The following DNAH11 variants were observed in gnomAD, a reference collection of about 807,000 sequenced individuals.
DNAH11 encodes the protein axonemal beta dynein heavy chain 11.
Under a neutral mutation model 526.0 loss-of-function variants are expected in DNAH11, and 442 were observed. The observed-to-expected ratio is 0.84, with a 90% CI of 0.78 to 0.91. The LOEUF is 0.91. DNAH11 is among the 40% of genes least tolerant of loss of function. DNAH11 has a pLI of 0.00. For missense variants in DNAH11, 6,989 were observed against 5,448.7 expected, an observed-to-expected ratio of 1.28 and a Z score of -8.90; for synonymous variants, 2,461 against 1,935.9, an observed-to-expected ratio of 1.27 and a Z score of -7.12.
chr7:21,860,487 C>G (rs1481831630), intron 68 of DNAH11, among the ~76,000 whole-genome samples: 2 of 152,110 alleles, frequency 1.3e-5, no homozygotes, highest in Non-Finnish European at 2.9e-5. Flanking sequence ...AGGAGATATC[C>G]AAATACCCAA....
chr7:21,784,654 G>A, intron 58 of DNAH11, 114 bp downstream of exon 58: 3 of 660,810 alleles, frequency 4.5e-6, no homozygotes, highest in South Asian at 3.1e-5. Context: ...TATTTTAAAA[G>A]GAAAGAAGCA....
At chr7:21,900,944 ACT>A in intron 81 of DNAH11, 61 bp from the exon 82 acceptor site, 1 of 868,794 alleles carries the variant, frequency 1.2e-6, no homozygotes, top group Non-Finnish European at 1.6e-6. Context: ...CAAACAACTT[ACT>A]TGATCATTAT....
At chr7:21,590,431 G>A (rs115134658) in intron 12 of DNAH11, among the ~76,000 whole-genome samples, 1 of 152,120 alleles carries the variant, frequency 6.6e-6, no homozygotes, top group African/African-American at 2.4e-5. Flanking sequence ...TGAATTTTTA[G>A]GGGATGAAGA....
chr7:21,857,231 C>G (rs547328742), intron 68 of DNAH11, among the ~76,000 whole-genome samples: 6 of 152,042 alleles, frequency 3.9e-5, no homozygotes, highest in Non-Finnish European at 8.8e-5. Context: ...CTTCCAAAGC[C>G]GTGAAGCTTT....
chr7:21,861,921 C>G lies in DNAH11; in HGVS notation c.11271C>G (p.Ile3757Met), dbSNP rs757371608. The G allele has an allele frequency of 2.5e-6, 4 of 1,613,672 alleles. No individual in the cohort carries two copies. Among genetic ancestry groups the G allele is most frequent in the East Asian group, 2.2e-5 (1 of 44,856 alleles). Residue 3757 changes from isoleucine to methionine, a missense_variant, in exon 69 of 82, where the codon ATC (isoleucine) becomes ATG (methionine). Transcript: ENST00000409508. ...ADKVEDMQGR[I>M]SILMESITHA... The stretch of plus-strand genomic sequence containing the variant: ...AGGTGGAAGACATGCAGGGACGCAT[C>G]TCTATCCTGATGGAGAGCATCACCC...
chr7:21,749,926 C>T (rs1786338902), intron 53 of DNAH11, 125 bp downstream of exon 53: 4 of 1,426,814 alleles, frequency 2.8e-6, no homozygotes, highest in Admixed American at 4.3e-5. Flanking sequence ...GGGGAGAAAC[C>T]TATAAACCTA....
At chr7:21,644,517 A>G (rs1787263071) in intron 28 of DNAH11, among the ~76,000 whole-genome samples, 3 of 152,190 alleles carry the variant, frequency 2.0e-5, no homozygotes, top group Non-Finnish European at 4.4e-5. Context: ...TAACTTTCCT[A>G]AAGGAAGTAG....
intron 20 of DNAH11, among the ~76,000 whole-genome samples, chr7:21,611,046 G>T (rs1235230076): frequency 1.3e-5 from 2 of 152,200 alleles, no homozygotes; most frequent in African/African-American, 4.8e-5. Context: ...TTCTGGGCAT[G>T]TCTGAGGACA....
chr7:21,783,964 A>G (rs1407059728), intron 57 of DNAH11, among the ~76,000 whole-genome samples: 3 of 152,230 alleles, frequency 2.0e-5, no homozygotes, highest in Non-Finnish European at 4.4e-5. Flanking sequence ...AAAGAGCTTC[A>G]GATCTGTTCT....
intron 40 of DNAH11, among the ~76,000 whole-genome samples, chr7:21,709,020 A>G (rs1784369342): frequency 6.6e-6 from 1 of 152,196 alleles, no homozygotes; most frequent in Non-Finnish European, 1.5e-5. Flanking sequence ...TAGTTTGGAG[A>G]TTTCTCAAAA....
At chr7:21,608,720 A>G (rs1785399938) in intron 20 of DNAH11, among the ~76,000 whole-genome samples, 1 of 152,182 alleles carries the variant, frequency 6.6e-6, no homozygotes, top group Admixed American at 6.5e-5. Flanking sequence ...GGATGGGGAA[A>G]CGTTTTTACT....
intron 6 of DNAH11, among the ~76,000 whole-genome samples, chr7:21,565,219 G>A (rs1001350139): frequency 6.6e-5 from 10 of 152,164 alleles, no homozygotes; most frequent in Non-Finnish European, 1.3e-4. Context: ...CTGGCTTGCT[G>A]ATGGCTGGCT....
intron 49 of DNAH11, among the ~76,000 whole-genome samples, chr7:21,744,226 T>C (rs1430824821): frequency 2.0e-5 from 3 of 152,240 alleles, no homozygotes; most frequent in African/African-American, 7.2e-5. Flanking sequence ...CTTACTCGCA[T>C]ACCTAAAAAT....
chr7:21,545,131 A>G lies in DNAH11; in HGVS notation c.477A>G (p.Val159=). The change falls in exon 2 of 82, where the codon GTA becomes GTG. Residue 159 remains valine, a synonymous_variant. Coordinates refer to ENST00000409508, the MANE Select transcript of DNAH11 (RefSeq NM_001277115.2). ...TACCTGCGTTGTCTCTTGGACATGT[A>G]TCTGCTTTCCTTGATGAGGTACTGG... ...GELPALSLGH[V]SAFLDEILVP... is the part of the protein sequence containing the mutation. 2.5e-6 allele frequency: 4 copies of G among 1,610,540 alleles called. No individual in the cohort carries two copies. Among genetic ancestry groups the G allele is most frequent in the Non-Finnish European group, 3.4e-6 (4 of 1,178,168 alleles).
At chr7:21,900,802 C>T (rs1397219588) in intron 81 of DNAH11, 7 of 647,854 alleles carry the variant, frequency 1.1e-5, no homozygotes, top group Non-Finnish European at 1.7e-5. Context: ...AACCACTACG[C>T]ATGGAAGCAA....
intron 25 of DNAH11, among the ~76,000 whole-genome samples, chr7:21,634,916 A>C (rs1786784853): frequency 6.6e-6 from 1 of 152,238 alleles, no homozygotes; most frequent in Non-Finnish European, 1.5e-5. Flanking sequence ...CAGACATACT[A>C]ACCATATTTT....
intron 28 of DNAH11, among the ~76,000 whole-genome samples, chr7:21,647,314 A>G (rs1385841163): frequency 6.6e-6 from 1 of 152,178 alleles, no homozygotes; most frequent in East Asian, 1.9e-4. Flanking sequence ...AGAAGTCTCA[A>G]AATCATCCAT....
At chr7:21,839,581 A>C (rs1290840638) in intron 65 of DNAH11, among the ~76,000 whole-genome samples, 1 of 151,966 alleles carries the variant, frequency 6.6e-6, no homozygotes, top group Non-Finnish European at 1.5e-5. Context: ...TTTCAAAAAA[A>C]AAAAAAGGGG....
chr7:21,881,829 A>G (rs1783935335), intron 75 of DNAH11, among the ~76,000 whole-genome samples: 1 of 152,216 alleles, frequency 6.6e-6, no homozygotes, highest in Non-Finnish European at 1.5e-5. Flanking sequence ...GGTACCTAAC[A>G]GGCATATTTT....
Sources: gnomAD v4.1 joint callset for allele counts (sites outside exome capture counted in the v4.1 genomes callset) on GRCh38, gnomAD v4.1.1 for gene constraint, MANE v1.5 for transcripts, NCBI Gene and HGNC (gene_info 2026-07-23, HGNC 2026-07-21) for gene names.